Variants in HECW1 observed in about 807,000 individuals in gnomAD.
HECW1 encodes HECT, C2 and WW domain containing E3 ubiquitin protein ligase 1.
HECW1 carries 61 observed loss-of-function variants against 182.3 expected under a neutral mutation model. The observed-to-expected ratio is 0.33, with a 90% CI of 0.27 to 0.41. HECW1 has a LOEUF of 0.41. Ranked by LOEUF, HECW1 falls within the 10% of genes least tolerant of loss-of-function variation. The probability of loss-of-function intolerance (pLI) is 1.00; values close to 1 mark genes in which losing one functional copy is unlikely to be tolerated. For missense variants in HECW1, 1,739 were observed against 2,108.9 expected (o/e 0.82, Z 3.44); for synonymous variants, 859 against 832.6 (o/e 1.03, Z -0.55).
intron 3 of HECW1, among the ~76,000 whole-genome samples, chr7:43,291,585 T>C (rs1398525609): frequency 6.6e-6 from 1 of 152,214 alleles, no homozygotes; most frequent in Non-Finnish European, 1.5e-5. Flanking sequence ...CAAGGAAACT[T>C]GAAGGAAGTT....
At chr7:43,231,306 G>A (rs1228753263) in intron 2 of HECW1, among the ~76,000 whole-genome samples, 1 of 152,054 alleles carries the variant, frequency 6.6e-6, no homozygotes, top group Admixed American at 6.6e-5. Context: ...TTTTTTTCTG[G>A]GCATTTACAA....
At chr7:43,550,312 C>A (rs1410934065) in intron 26 of HECW1, 133 bp from the exon 27 acceptor site, 2 of 952,162 alleles carry the variant, frequency 2.1e-6, no homozygotes, top group Non-Finnish European at 3.1e-6. Flanking sequence ...GGAAAAAAGA[C>A]TCCAGGGATA....
chr7:43,520,153 G>C (rs923077656), intron 24 of HECW1, among the ~76,000 whole-genome samples: 1 of 152,160 alleles, frequency 6.6e-6, no homozygotes, highest in Admixed American at 6.5e-5. Context: ...AGGACTTGAT[G>C]CTGGGTTCTA....
At chr7:43,556,350 C>A (rs973859798) in intron 29 of HECW1, among the ~76,000 whole-genome samples, 1 of 152,140 alleles carries the variant, frequency 6.6e-6, no homozygotes, top group Non-Finnish European at 1.5e-5. Context: ...GGAGCAACAT[C>A]ACAGGGGATG....
chr7:43,490,948 G>A (rs2078907976), intron 17 of HECW1, among the ~76,000 whole-genome samples: 7 of 152,072 alleles, frequency 4.6e-5, no homozygotes, highest in Admixed American at 4.6e-4. Context: ...AGTGGAAATG[G>A]GGTTTCACCC....
rs749246313 is a variant in HECW1 at position 43,243,533 on chromosome 7, G to A, written c.-31-342G>A. Among the ~76,000 whole-genome samples the A allele has an allele frequency of 3.3e-5, 5 of 151,922 alleles. No homozygotes were observed. The highest frequency in any genetic ancestry group is 3.2e-3 in the Middle Eastern group (1 of 316). The stretch of plus-strand genomic sequence containing the variant: ...ATGCTTTTCGCTGGCCTTCTCAGAC[G>A]GCTGGGAGAGCAGAACTTCTCTTTC... On this transcript the variant is annotated intron_variant, in intron 2 of 29. Transcript: ENST00000395891. The surrounding 1 kb of genome is among the most constrained non-coding windows in gnomAD (Gnocchi z 4.0).
At chr7:43,551,317 G>A (rs1426225979) in intron 27 of HECW1, among the ~76,000 whole-genome samples, 1 of 152,156 alleles carries the variant, frequency 6.6e-6, no homozygotes, top group Non-Finnish European at 1.5e-5. Flanking sequence ...TAAGGAGGGA[G>A]GAAGGAAGTG....
intron 8 of HECW1, among the ~76,000 whole-genome samples, chr7:43,417,699 AAAAAGGTTT>A (rs2152854685): frequency 6.6e-6 from 1 of 152,244 alleles, no homozygotes; most frequent in African/African-American, 2.4e-5. Context: ...CCATCTCAAA[AAAAAGGTTT>A]AAAATGCAGT....
chr7:43,442,159 A>C (rs188667624), intron 9 of HECW1, among the ~76,000 whole-genome samples: 14 of 152,340 alleles, frequency 9.2e-5, no homozygotes, highest in African/African-American at 3.4e-4. Flanking sequence ...TGAGATATCC[A>C]ATACTTTATT....
intron 24 of HECW1, among the ~76,000 whole-genome samples, chr7:43,524,692 A>C (rs1421698183): frequency 6.6e-6 from 1 of 152,234 alleles, no homozygotes; most frequent in Non-Finnish European, 1.5e-5. Context: ...TGACATGCCC[A>C]TGCAGAGCTA....
chr7:43,275,913 T>G (rs1472435952), intron 3 of HECW1, among the ~76,000 whole-genome samples: 1 of 152,204 alleles, frequency 6.6e-6, no homozygotes, highest in Non-Finnish European at 1.5e-5. Flanking sequence ...TCTTATTGAA[T>G]TTTCTTACTA....
In HECW1 at chr7:43,304,032, C is replaced by G. The variant is rs548196940; in HGVS notation, c.28-7731C>G. Among the ~76,000 whole-genome samples, 5 of 152,282 alleles carry G rather than the reference C, an allele frequency of 3.3e-5. No individual in the cohort carries two copies. In the South Asian group the frequency reaches 1.0e-3, roughly 32 times the overall value. On this transcript the variant is annotated intron_variant, in intron 3 of 29. Coordinates refer to ENST00000395891, the MANE Select transcript of HECW1 (RefSeq NM_015052.5). ...GAGAGGTGGAGCCCTTCTTTTTAGC[C>G]TAACGAATTGTTTCCCTTAACAGTC... is the stretch of plus-strand genomic sequence containing the variant.
chr7:43,351,089 T>A (rs193169598), intron 5 of HECW1, among the ~76,000 whole-genome samples: 25 of 152,348 alleles, frequency 1.6e-4, no homozygotes, highest in Non-Finnish European at 3.4e-4. Context: ...CCCCTTTTCC[T>A]ACGGTGTGGC....
At chr7:43,114,126 C>A in intron 1 of HECW1, 31 bp from the exon 2 acceptor site, 1 of 681,246 alleles carries the variant, frequency 1.5e-6, no homozygotes, top group Non-Finnish European at 2.2e-6. Flanking sequence ...GTGCAATTCT[C>A]CCCTTGTTTT....
At chr7:43,371,359 T>A (rs951650498) in intron 6 of HECW1, among the ~76,000 whole-genome samples, 2 of 152,256 alleles carry the variant, frequency 1.3e-5, no homozygotes, top group Middle Eastern at 3.4e-3. Flanking sequence ...CACTCTTATG[T>A]GGAACGTTGG....
intron 6 of HECW1, among the ~76,000 whole-genome samples, chr7:43,391,912 G>A (rs935610413): frequency 1.3e-5 from 2 of 152,092 alleles, no homozygotes; most frequent in African/African-American, 4.8e-5. Context: ...GCTCTTTTAA[G>A]GTGGCTTTGA....
intron 8 of HECW1, among the ~76,000 whole-genome samples, chr7:43,409,674 C>G (rs2075731647): frequency 6.6e-6 from 1 of 152,192 alleles, no homozygotes. Flanking sequence ...AGTTATTGAT[C>G]TAAAATATGC....
intron 5 of HECW1, among the ~76,000 whole-genome samples, chr7:43,338,191 T>G (rs1307338935): frequency 1.3e-5 from 2 of 152,168 alleles, no homozygotes; most frequent in Non-Finnish European, 2.9e-5. Context: ...GTCGTTGGCC[T>G]GGGAGACACT....
At chr7:43,164,566 C>A (rs1231680418) in intron 2 of HECW1, among the ~76,000 whole-genome samples, 1 of 152,202 alleles carries the variant, frequency 6.6e-6, no homozygotes, top group Non-Finnish European at 1.5e-5. Context: ...GGAAGACACA[C>A]CCCTCCCTCC....
Sources: allele counts gnomAD v4.1 joint callset (sites outside exome capture counted in the v4.1 genomes callset), GRCh38; gene constraint gnomAD v4.1.1; non-coding constraint Gnocchi (gnomAD v3.1); transcripts MANE v1.5; gene names NCBI Gene and HGNC (gene_info 2026-07-23, HGNC 2026-07-21).